The following SUGP1 variants were observed in gnomAD, a reference collection of about 807,000 sequenced individuals.
SUGP1 encodes the protein SURP and G-patch domain-containing protein 1.
In SUGP1, 34 loss-of-function variants were observed where a neutral mutation model predicts 76.5. The ratio of observed to expected loss-of-function variants is 0.44; its 90% confidence interval spans 0.34 to 0.59. The LOEUF is 0.59. Ranked by LOEUF, SUGP1 falls within the 20% of genes least tolerant of loss-of-function variation. SUGP1 has a pLI of 0.01. For missense variants in SUGP1, 752 were observed against 851.7 expected (o/e 0.88, Z 1.46); for synonymous variants, 326 against 326.2 (o/e 1.00, Z 0.01).
At chr19:19,276,813 G>C in intron 13 of SUGP1, 134 bp downstream of exon 13, 1 of 1,538,584 alleles carries the variant, frequency 6.5e-7, no homozygotes, top group Non-Finnish European at 8.8e-7. Context: ...GTGGGGGCTT[G>C]AATGCAGGTG....
intron 7 of SUGP1, 187 bp downstream of exon 7, chr19:19,302,078 G>T: frequency 1.2e-6 from 1 of 848,596 alleles, no homozygotes; most frequent in Non-Finnish European, 1.8e-6. Flanking sequence ...ACCCAGGGGT[G>T]CTGGTGTGTG....
intron 4 of SUGP1, 153 bp downstream of exon 4, chr19:19,305,696 C>T: frequency 2.8e-6 from 2 of 717,726 alleles, no homozygotes; most frequent in South Asian, 4.0e-5. Flanking sequence ...CTCTCCTCAC[C>T]TCAGAGGGCC....
At chr19:19,310,754 A>G (rs531367822) in intron 2 of SUGP1, among the ~76,000 whole-genome samples, 30 of 152,100 alleles carry the variant, frequency 2.0e-4, no homozygotes, top group Non-Finnish European at 3.5e-4. Flanking sequence ...AGAGATTGTC[A>G]TGTCTCAGCC....
intron 12 of SUGP1, among the ~76,000 whole-genome samples, 166 bp from the exon 13 acceptor site, chr19:19,277,242 C>T (rs1406682147): frequency 2.5e-4 from 4 of 16,122 alleles, no homozygotes; most frequent in Non-Finnish European, 7.2e-4. Context: ...GGGAGACCCC[C>T]GGGGCGGGCG....
intron 8 of SUGP1, among the ~76,000 whole-genome samples, chr19:19,293,640 A>C (rs1219469407): frequency 1.3e-5 from 2 of 152,140 alleles, no homozygotes; most frequent in Non-Finnish European, 2.9e-5. Flanking sequence ...TATATAAAAA[A>C]CACATAGCTA....
intron 11 of SUGP1, among the ~76,000 whole-genome samples, chr19:19,278,184 T>C (rs1254904794): frequency 6.6e-6 from 1 of 152,212 alleles, no homozygotes; most frequent in African/African-American, 2.4e-5. Context: ...CCCGTGTTCA[T>C]GTCCTGAGAG....
chr19:19,314,153 AAAT>A (rs2061374402), intron 2 of SUGP1, among the ~76,000 whole-genome samples: 1 of 149,720 alleles, frequency 6.7e-6, no homozygotes, highest in Non-Finnish European at 1.5e-5. Flanking sequence ...TAAAATAAAT[AAAT>A]AAATAAATAA....
At chr19:19,290,877 G>A (rs1157644736) in intron 8 of SUGP1, among the ~76,000 whole-genome samples, 4 of 152,046 alleles carry the variant, frequency 2.6e-5, no homozygotes, top group African/African-American at 9.7e-5. Context: ...CCAGCACTTT[G>A]GGAGGCTGAG....
chr19:19,305,513 T>G (rs952096604), intron 4 of SUGP1: 1 of 209,832 alleles, frequency 4.8e-6, no homozygotes, highest in South Asian at 9.8e-5. Flanking sequence ...TAGAAGCTCC[T>G]CCTAGAAGGG....
intron 8 of SUGP1, among the ~76,000 whole-genome samples, chr19:19,294,089 G>C (rs1234405232): frequency 6.6e-6 from 1 of 151,916 alleles, no homozygotes; most frequent in Non-Finnish European, 1.5e-5. Flanking sequence ...TGGGAGACTG[G>C]GGCAGGAGAA....
chr19:19,296,973 G>A lies in SUGP1; in HGVS notation c.1243+16C>T. Reference sequence around the variant, plus strand: ...CAGACCCTTCCAACACAGGGAGGGGGAGAGGGTCTGCCCACCTGACAGAGG... The same window carrying A: ...CAGACCCTTCCAACACAGGGAGGGGAAGAGGGTCTGCCCACCTGACAGAGG... On this transcript the variant is annotated intron_variant, in intron 8 of 13. Transcript: ENST00000247001. 1 of 1,549,374 alleles carries A rather than the reference G, an allele frequency of 6.5e-7. No homozygotes were observed. The highest frequency in any genetic ancestry group is 8.8e-7 in the Non-Finnish European group (1 of 1,141,274).
At chr19:19,278,899 G>T in intron 10 of SUGP1, 103 bp from the exon 11 acceptor site, 1 of 1,265,098 alleles carries the variant, frequency 7.9e-7, no homozygotes, top group South Asian at 1.3e-5. Context: ...GGGAGCCTGG[G>T]GCCCCCAGGG....
Position 19,277,259 on chromosome 19 carries a change from G to GC in SUGP1, c.1782-184_1782-183insG, listed in dbSNP as rs961283815. ...GAGACCCCCGGGGCGGGCGGGGGGG[G>GC]GGGGCCTAGGCCCCAGGGTCCCACA... On this transcript the variant is annotated intron_variant, in intron 12 of 13. Transcript: ENST00000247001. Among the ~76,000 whole-genome samples the GC allele has an allele frequency of 6.0e-5, 9 of 150,164 alleles. 1 individual carries two copies. Among genetic ancestry groups the GC allele is most frequent in the African/African-American group, 2.0e-4 (8 of 40,700 alleles).
chr19:19,278,852 G>A, intron 10 of SUGP1, 56 bp from the exon 11 acceptor site: 13 of 1,535,748 alleles, frequency 8.5e-6, no homozygotes, highest in Non-Finnish European at 1.2e-5. Context: ...AGGGGAGCAG[G>A]CCTGGTGGCT....
Position 19,276,535 on chromosome 19 carries a change from T to C in SUGP1, c.*113A>G. 1 of 1,351,198 alleles carries C rather than the reference T, an allele frequency of 7.4e-7. No individual in the cohort carries two copies. Among genetic ancestry groups the C allele is most frequent in the Admixed American group, 1.8e-5 (1 of 56,076 alleles). 83.7% of individuals were successfully genotyped at this position (1,351,198 alleles called of 1,614,324 possible). A position where few individuals can be genotyped will look rare whatever the true frequency, so the allele number is the denominator to read the frequency against. On this transcript the variant is annotated 3_prime_UTR_variant, in exon 14 of 14. Transcript: ENST00000247001. ...CTGTGGTGGATGAGCACTGGGACTT[T>C]ATTACACGGCACGGCACTCGTGACA... is the stretch of plus-strand genomic sequence containing the variant.
intron 8 of SUGP1, among the ~76,000 whole-genome samples, chr19:19,290,607 G>A (rs910284264): frequency 6.6e-6 from 1 of 151,992 alleles, no homozygotes; most frequent in Non-Finnish European, 1.5e-5. Flanking sequence ...TTGTGCCACT[G>A]CACTCCAGCC....
intron 8 of SUGP1, among the ~76,000 whole-genome samples, chr19:19,291,661 G>A (rs554650599): frequency 3.3e-3 from 498 of 152,140 alleles, no homozygotes; most frequent in Non-Finnish European, 5.0e-3. Flanking sequence ...AGGCCGAAGC[G>A]GGTGGATCAC....
intron 7 of SUGP1, among the ~76,000 whole-genome samples, chr19:19,297,825 T>TGG (rs1487761652): frequency 6.6e-6 from 1 of 152,084 alleles, no homozygotes; most frequent in Non-Finnish European, 1.5e-5. Flanking sequence ...CTACCCCACG[T>TGG]GGGGGCAGGC....
intron 10 of SUGP1, 95 bp from the exon 11 acceptor site, chr19:19,278,891 G>A: frequency 2.2e-6 from 3 of 1,351,960 alleles, no homozygotes; most frequent in Non-Finnish European, 3.1e-6. Flanking sequence ...GGCTCAGTGG[G>A]AGCCTGGGGC....
Sources: allele counts gnomAD v4.1 joint callset (sites outside exome capture counted in the v4.1 genomes callset), GRCh38; gene constraint gnomAD v4.1.1; transcripts MANE v1.5; gene names NCBI Gene and HGNC (gene_info 2026-07-23, HGNC 2026-07-21).